Variants in NBAS observed in about 807,000 individuals in gnomAD.
NBAS encodes NAG/BC035112 fusion.
NBAS carries 219 observed loss-of-function variants against 302.5 expected under a neutral mutation model. The ratio of observed to expected loss-of-function variants is 0.72; its 90% CI spans 0.65 to 0.81. The LOEUF is 0.81. NBAS is among the 30% of genes least tolerant of loss of function. NBAS has a pLI of 0.00. For missense variants in NBAS, 2,932 were observed against 2,841.6 expected (o/e 1.03, Z -0.72); for synonymous variants, 1,118 against 1,021.6 (o/e 1.09, Z -1.80).
chr2:15,211,572 C>A (rs1044437362), intron 48 of NBAS, among the ~76,000 whole-genome samples: 3 of 152,186 alleles, frequency 2.0e-5, no homozygotes, highest in Admixed American at 6.5e-5. Context: ...TTTTTCGTGA[C>A]AATTTTTTTT....
chr2:15,274,322 G>C (rs1669468601), intron 44 of NBAS, among the ~76,000 whole-genome samples: 1 of 152,152 alleles, frequency 6.6e-6, no homozygotes, highest in Non-Finnish European at 1.5e-5. Context: ...GCAATTCTTG[G>C]CCTTTACAGT....
intron 26 of NBAS, among the ~76,000 whole-genome samples, chr2:15,400,644 G>A (rs1676106701): frequency 6.6e-6 from 1 of 152,172 alleles, no homozygotes; most frequent in Admixed American, 6.5e-5. Context: ...GGAAAAGTGG[G>A]CAGCAAACAG....
chr2:15,524,367 T>A (rs1269815083), intron 9 of NBAS, among the ~76,000 whole-genome samples: 1 of 152,198 alleles, frequency 6.6e-6, no homozygotes, highest in Non-Finnish European at 1.5e-5. Context: ...CAAAGGCAGA[T>A]GTTCTTGAGT....
intron 38 of NBAS, among the ~76,000 whole-genome samples, chr2:15,318,603 G>C (rs1216838045): frequency 3.3e-5 from 5 of 152,114 alleles, no homozygotes; most frequent in African/African-American, 1.2e-4. Flanking sequence ...TGCAATCCTA[G>C]TCTCTGATAA....
chr2:15,238,036 A>G (rs529048807), intron 45 of NBAS, among the ~76,000 whole-genome samples: 1 of 152,098 alleles, frequency 6.6e-6, no homozygotes, highest in East Asian at 1.9e-4. Context: ...TGGCCTCCCT[A>G]AGTGCTGGGA....
At chr2:14,858,148 A>G in the NBAS span, among the ~76,000 whole-genome samples, 1 of 152,200 alleles carries the variant, frequency 6.6e-6, no homozygotes, top group African/African-American at 2.4e-5. Flanking sequence ...AAGAGCTTTT[A>G]TCCAAAAGTC....
chr2:15,417,314 G>A (rs551020061), intron 24 of NBAS, among the ~76,000 whole-genome samples: 1 of 152,300 alleles, frequency 6.6e-6, no homozygotes, highest in South Asian at 2.1e-4. Context: ...AGATGGGTCT[G>A]AGTAAAGGGC....
intron 20 of NBAS, 120 bp downstream of exon 20, chr2:15,461,567 T>C: frequency 1.3e-6 from 1 of 769,962 alleles, no homozygotes; most frequent in Non-Finnish European, 2.1e-6. Flanking sequence ...TCTCTACACT[T>C]ATTAATATTA....
At chr2:15,324,325 C>T (rs979001417) in intron 38 of NBAS, among the ~76,000 whole-genome samples, 1 of 152,188 alleles carries the variant, frequency 6.6e-6, no homozygotes, top group African/African-American at 2.4e-5. Flanking sequence ...CTTCATCTCT[C>T]CACTGGCTGG....
chr2:15,337,837 G>GA (rs1174080808), intron 35 of NBAS, among the ~76,000 whole-genome samples: 1 of 152,048 alleles, frequency 6.6e-6, no homozygotes, highest in African/African-American at 2.4e-5. Context: ...AATGGAGAAA[G>GA]AAAAAAGAGG....
At chr2:15,351,911 C>T in intron 35 of NBAS, 81 bp downstream of exon 35, 2 of 1,018,712 alleles carry the variant, frequency 2.0e-6, no homozygotes, top group Non-Finnish European at 3.1e-6. Context: ...CACAAAACCC[C>T]TCTCATCCAC....
chr2:15,339,125 C>T (rs559076743), intron 35 of NBAS, among the ~76,000 whole-genome samples: 1 of 152,196 alleles, frequency 6.6e-6, no homozygotes, highest in African/African-American at 2.4e-5. Flanking sequence ...AACCTACATT[C>T]TGGAAAAAAT....
At chr2:15,362,591 A>AAC (rs1673988547) in intron 32 of NBAS, among the ~76,000 whole-genome samples, 2 of 152,226 alleles carry the variant, frequency 1.3e-5, no homozygotes, top group African/African-American at 4.8e-5. Context: ...ATGATTTAGT[A>AAC]ACAGTAACAT....
At chr2:15,440,228 C>A (rs975702280) in intron 21 of NBAS, among the ~76,000 whole-genome samples, 2 of 152,214 alleles carry the variant, frequency 1.3e-5, no homozygotes, top group African/African-American at 4.8e-5. Context: ...TGACCCCTGA[C>A]CCCCGAGCAG....
chr2:15,426,114 G>A (rs1194764953), intron 22 of NBAS, among the ~76,000 whole-genome samples: 3 of 152,076 alleles, frequency 2.0e-5, no homozygotes, highest in African/African-American at 7.2e-5. Flanking sequence ...AAACCTTTAG[G>A]TGTTTAACTT....
At chr2:14,906,913 G>A in the NBAS span, among the ~76,000 whole-genome samples, 1 of 152,192 alleles carries the variant, frequency 6.6e-6, no homozygotes, top group African/African-American at 2.4e-5. Flanking sequence ...CTCTATTCCA[G>A]TCTGCTTCCT....
intron 12 of NBAS, among the ~76,000 whole-genome samples, chr2:15,488,631 G>GA: frequency 6.6e-6 from 1 of 152,100 alleles, no homozygotes; most frequent in South Asian, 2.1e-4. Flanking sequence ...GACAAAGAGG[G>GA]AAAAAATGAA....
intron 11 of NBAS, among the ~76,000 whole-genome samples, chr2:15,503,444 A>G (rs1051066802): frequency 3.9e-5 from 6 of 152,182 alleles, no homozygotes; most frequent in African/African-American, 1.4e-4. Flanking sequence ...AAGCAGTGAA[A>G]AAGATTAGAT....
Position 15,190,251 on chromosome 2 carries a change from T to A in NBAS, c.6572+13A>T, listed in dbSNP as rs1338530556. The A allele has an allele frequency of 1.9e-6, 3 of 1,613,744 alleles. No individual in the cohort carries two copies. Among genetic ancestry groups the A allele is most frequent in the Non-Finnish European group, 2.5e-6 (3 of 1,179,736 alleles). Reference sequence around the variant, plus strand: ...AAGAACTCTAATTACGCTAATTTTATGTTAATACTTACACATATTCACTTT... The same window carrying A: ...AAGAACTCTAATTACGCTAATTTTAAGTTAATACTTACACATATTCACTTT... On this transcript the variant is annotated intron_variant, in intron 49 of 51. Coordinates refer to ENST00000281513, the MANE Select transcript of NBAS (RefSeq NM_015909.4).
Sources: gnomAD v4.1 joint callset for allele counts (sites outside exome capture counted in the v4.1 genomes callset) on GRCh38, gnomAD v4.1.1 for gene constraint, MANE v1.5 for transcripts, NCBI Gene and HGNC (gene_info 2026-07-23, HGNC 2026-07-21) for gene names.